ATAD2B: variants seen among roughly 807,000 people sequenced by gnomAD.
The protein encoded by ATAD2B is ATPase family AAA domain-containing protein 2B.
Under a neutral mutation model 167.6 loss-of-function variants are expected in ATAD2B, and 40 were observed. The observed-to-expected ratio is 0.24, with a 90% CI of 0.19 to 0.31. The LOEUF is 0.31. ATAD2B is among the 10% of genes least tolerant of loss of function. ATAD2B has a pLI of 1.00. For missense variants in ATAD2B, 1,242 were observed against 1,757.2 expected (o/e 0.71, Z 5.24); for synonymous variants, 579 against 596.5 (o/e 0.97, Z 0.43).
intron 15 of ATAD2B, among the ~76,000 whole-genome samples, chr2:23,825,741 C>T (rs1404301330): frequency 6.6e-6 from 1 of 151,696 alleles, no homozygotes; most frequent in East Asian, 1.9e-4. Flanking sequence ...ATTATATGGT[C>T]CTATTTTAAG....
At chr2:23,880,829 G>C (rs1278319685) in intron 6 of ATAD2B, 74 bp from the exon 7 acceptor site, 8 of 847,616 alleles carry the variant, frequency 9.4e-6, no homozygotes, top group Non-Finnish European at 1.5e-5. Context: ...CTCTAGAACT[G>C]AATATTTACA....
At chr2:23,835,960 T>A (rs546587397) in intron 13 of ATAD2B, among the ~76,000 whole-genome samples, 3 of 151,186 alleles carry the variant, frequency 2.0e-5, no homozygotes, top group East Asian at 3.9e-4. Flanking sequence ...ATGAGTGAAC[T>A]GTACAGCTCT....
At chr2:23,697,423 AC>A in the ATAD2B span, 7 of 152,346 alleles carry the variant, frequency 4.6e-5, no homozygotes, top group East Asian at 1.4e-3. Flanking sequence ...CCAAAGCACA[AC>A]CCAGGGGAGA....
intron 14 of ATAD2B, 141 bp downstream of exon 14, chr2:23,833,777 CA>C: frequency 1.5e-6 from 1 of 670,276 alleles, no homozygotes; most frequent in Non-Finnish European, 2.4e-6. Context: ...TCCATAATTA[CA>C]TAGGTTTTTA....
chr2:23,696,088 G>T, the ATAD2B span: 1 of 1,551,786 alleles, frequency 6.4e-7, no homozygotes, highest in Non-Finnish European at 8.7e-7. This position sits in a 1 kb window ranked among gnomAD's most constrained non-coding sequence, Gnocchi z 5.5. Flanking sequence ...CTATGACCGC[G>T]AGTTCTTCAG....
At chr2:23,818,527 T>C (rs1459886984) in intron 17 of ATAD2B, among the ~76,000 whole-genome samples, 1 of 151,338 alleles carries the variant, frequency 6.6e-6, no homozygotes, top group Non-Finnish European at 1.5e-5. Context: ...AAAGAACATA[T>C]GAAGAAAAAA....
Position 23,926,937 on chromosome 2 carries a change from G to C in ATAD2B, c.-167C>G. ...CACAAGAGAGAGCCGGGCAGAGGAA[G>C]GGAAGTCGGCGTGAGCAGGCGGCGT... On this transcript the variant is annotated 5_prime_UTR_variant, in exon 1 of 28. Transcript: ENST00000238789. 2 of 820,706 alleles carry C rather than the reference G, an allele frequency of 2.4e-6. No individual in the cohort carries two copies. The highest frequency in any genetic ancestry group is 3.5e-6 in the Non-Finnish European group (2 of 565,142). The allele number at this position is 820,706 out of a possible 1,614,324, so 50.8% of individuals were successfully genotyped here.
In ATAD2B at chr2:23,895,920, G is replaced by A; in HGVS notation, c.267C>T (p.Ala89=). The A allele has an allele frequency of 6.2e-7, 1 of 1,613,212 alleles. No homozygotes were observed. Among genetic ancestry groups the A allele is most frequent in the Non-Finnish European group, 8.5e-7 (1 of 1,179,390 alleles). The change falls in exon 2 of 28, where the codon GCC becomes GCT. Residue 89 remains alanine (A), a synonymous_variant. Transcript: ENST00000238789. ...AATCAGGTTGTTTCAAAGTGCGTTT[G>A]GCTGGAGGAGATACGTGGCTATCAC... ...SLSDSHVSPP[A]KRTLKQPDSV...
chr2:23,805,795 T>TTAAAAAAAAAAA (rs373812965), intron 18 of ATAD2B, among the ~76,000 whole-genome samples: 2 of 100,970 alleles, frequency 2.0e-5, no homozygotes, highest in African/African-American at 3.4e-5. Flanking sequence ...TATCAAGCTT[T>TTAAAAAAAAAAA]AAAAAAAAAA....
chr2:23,873,467 T>A (rs1469190486), intron 8 of ATAD2B, among the ~76,000 whole-genome samples: 4 of 152,244 alleles, frequency 2.6e-5, no homozygotes, highest in African/African-American at 9.6e-5. Context: ...TGTTTGCACA[T>A]TGCATATGGC....
intron 13 of ATAD2B, among the ~76,000 whole-genome samples, chr2:23,839,432 G>A (rs1158476930): frequency 6.6e-6 from 1 of 152,062 alleles, no homozygotes; most frequent in African/African-American, 2.4e-5. Flanking sequence ...TCTCTAAGAT[G>A]AAGACTTTAT....
At chr2:23,887,294 A>T (rs12713091) in intron 4 of ATAD2B, among the ~76,000 whole-genome samples, 152,180 of 152,254 alleles carry the variant, frequency 1, 76,053 homozygotes, top group Non-Finnish European at 1. Flanking sequence ...ACTCCCGGGC[A>T]CAGGATCTTC....
At chr2:23,920,719 C>G (rs900601246) in intron 1 of ATAD2B, among the ~76,000 whole-genome samples, 2 of 152,130 alleles carry the variant, frequency 1.3e-5, no homozygotes, top group African/African-American at 4.8e-5. Flanking sequence ...AAAAAAAAAT[C>G]TAACTTATAT....
intron 2 of ATAD2B, among the ~76,000 whole-genome samples, chr2:23,890,131 C>T (rs950516506): frequency 4.6e-5 from 7 of 151,990 alleles, no homozygotes; most frequent in Admixed American, 2.0e-4. Flanking sequence ...AGGAGAATGG[C>T]GTGAACCTGG....
chr2:23,905,583 C>G (rs1488429962), intron 1 of ATAD2B, among the ~76,000 whole-genome samples: 1 of 152,152 alleles, frequency 6.6e-6, no homozygotes, highest in Admixed American at 6.6e-5. Context: ...CAGGACCAAT[C>G]TTACATTACA....
Position 23,870,207 on chromosome 2 carries a change from G to A in ATAD2B, c.978-446C>T, listed in dbSNP as rs1284810077. Among the ~76,000 whole-genome samples the A allele has an allele frequency of 1.3e-3, 146 of 116,278 alleles. 1 individual carries two copies. Among genetic ancestry groups the A allele is most frequent in the African/African-American group, 3.0e-3 (108 of 35,572 alleles). 76.3% of individuals were successfully genotyped at this position (116,278 alleles called of 152,430 possible). On this transcript the variant is annotated intron_variant, in intron 8 of 27. Transcript: ENST00000238789. The stretch of plus-strand genomic sequence containing the variant: ...GGGTGACAGAGCAAGACTCCTTCTC[G>A]GAAAAAAAAAAAAAAGGAGAATAGA...
chr2:23,835,499 G>A (rs998407259), intron 13 of ATAD2B, among the ~76,000 whole-genome samples: 4 of 152,228 alleles, frequency 2.6e-5, no homozygotes, highest in Admixed American at 2.6e-4. Flanking sequence ...GTTGCCTAGA[G>A]CTTGGAAGGA....
chr2:23,837,157 G>T (rs1166340526), intron 13 of ATAD2B, among the ~76,000 whole-genome samples: 2 of 152,214 alleles, frequency 1.3e-5, no homozygotes, highest in Non-Finnish European at 2.9e-5. Flanking sequence ...GTCTGGAGGG[G>T]GCTGTGGCAG....
the ATAD2B span, chr2:23,696,156 C>A: frequency 6.5e-7 from 1 of 1,545,260 alleles, no homozygotes; most frequent in Non-Finnish European, 8.7e-7. The surrounding 1 kb of genome is among the most constrained non-coding windows in gnomAD (Gnocchi z 5.5). Flanking sequence ...GGGGTTGGGG[C>A]GGGACCAGGC....
Sources: gnomAD v4.1 joint callset for allele counts (sites outside exome capture counted in the v4.1 genomes callset) on GRCh38, gnomAD v4.1.1 for gene constraint, Gnocchi (gnomAD v3.1) non-coding constraint, MANE v1.5 for transcripts, NCBI Gene and HGNC (gene_info 2026-07-23, HGNC 2026-07-21) for gene names.